The following HEMK2 variants were observed in gnomAD, a reference collection of about 807,000 sequenced individuals.
HEMK2 encodes methyltransferase HEMK2.
chr21:28,780,776 T>C, the HEMK2 span, among the ~76,000 whole-genome samples: 2 of 152,324 alleles, frequency 1.3e-5, no homozygotes, highest in African/African-American at 4.8e-5. Context: ...AGAATTCCTT[T>C]AAGCAGCCAT....
chr21:28,805,392 C>T, the HEMK2 span, among the ~76,000 whole-genome samples: 1 of 152,172 alleles, frequency 6.6e-6, no homozygotes, highest in African/African-American at 2.4e-5. Context: ...TTTTGCATTG[C>T]AACTTGAGCA....
the HEMK2 span, among the ~76,000 whole-genome samples, chr21:28,585,123 G>A: frequency 6.6e-6 from 1 of 152,122 alleles, no homozygotes; most frequent in Non-Finnish European, 1.5e-5. Flanking sequence ...CCTGAGGTCA[G>A]GAGTTCAAGA....
chr21:28,729,433 G>A, the HEMK2 span, among the ~76,000 whole-genome samples: 74,647 of 151,918 alleles, frequency 0.49, 20,857 homozygotes, highest in East Asian at 0.78. Context: ...GCAGTGCCTA[G>A]AAAGAGCGTG....
At chr21:28,864,789 G>T in the HEMK2 span, among the ~76,000 whole-genome samples, 1 of 150,782 alleles carries the variant, frequency 6.6e-6, no homozygotes, top group Non-Finnish European at 1.5e-5. Flanking sequence ...AAGTCACCTC[G>T]ACTCCTACCT....
the HEMK2 span, among the ~76,000 whole-genome samples, chr21:28,706,616 T>C: frequency 6.6e-6 from 1 of 152,210 alleles, no homozygotes; most frequent in Non-Finnish European, 1.5e-5. Context: ...TTCCTAAACT[T>C]TTTAAAAATT....
At chr21:28,788,143 T>C in the HEMK2 span, among the ~76,000 whole-genome samples, 2 of 150,650 alleles carry the variant, frequency 1.3e-5, no homozygotes, top group Middle Eastern at 3.5e-3. Context: ...TATATGTAAA[T>C]ATACATATAT....
the HEMK2 span, among the ~76,000 whole-genome samples, chr21:28,802,411 G>A: frequency 6.6e-6 from 1 of 152,192 alleles, no homozygotes; most frequent in African/African-American, 2.4e-5. Flanking sequence ...GTTACATAGA[G>A]AGGGAGCTGG....
the HEMK2 span, among the ~76,000 whole-genome samples, chr21:28,740,872 C>A: frequency 6.6e-6 from 1 of 152,218 alleles, no homozygotes; most frequent in South Asian, 2.1e-4. Flanking sequence ...TCCTGTGGAA[C>A]CTGACTATGG....
At chr21:28,851,440 A>AT in the HEMK2 span, among the ~76,000 whole-genome samples, 2 of 152,172 alleles carry the variant, frequency 1.3e-5, no homozygotes, top group Non-Finnish European at 1.5e-5. Flanking sequence ...ACACACTTAA[A>AT]TGAGGGATGT....
the HEMK2 span, among the ~76,000 whole-genome samples, chr21:28,843,666 T>C: frequency 2.0e-5 from 3 of 152,162 alleles, no homozygotes; most frequent in African/African-American, 4.8e-5. Flanking sequence ...AAGACCTTCT[T>C]GATTAAACAT....
chr21:28,761,383 A>AG, the HEMK2 span, among the ~76,000 whole-genome samples: 9 of 152,164 alleles, frequency 5.9e-5, no homozygotes, highest in Non-Finnish European at 1.3e-4. Context: ...AATATTAAAA[A>AG]TATTTTTAAT....
chr21:28,619,735 C>G, the HEMK2 span, among the ~76,000 whole-genome samples: 2 of 152,162 alleles, frequency 1.3e-5, no homozygotes, highest in African/African-American at 4.8e-5. Context: ...CCTTTCTTCT[C>G]CACTGTCAAC....
At chr21:28,842,777 G>A in the HEMK2 span, among the ~76,000 whole-genome samples, 1 of 152,146 alleles carries the variant, frequency 6.6e-6, no homozygotes, top group African/African-American at 2.4e-5. Flanking sequence ...ATGAGACAAA[G>A]GTAGAATATC....
chr21:28,783,783 G>A, the HEMK2 span, among the ~76,000 whole-genome samples: 11 of 152,236 alleles, frequency 7.2e-5, no homozygotes, highest in African/African-American at 2.6e-4. Flanking sequence ...AATTGGGGCT[G>A]CATGCAGCAC....
chr21:28,629,991 T>G, the HEMK2 span, among the ~76,000 whole-genome samples: 5 of 152,082 alleles, frequency 3.3e-5, no homozygotes, highest in South Asian at 1.0e-3. Context: ...GTAACAGGAT[T>G]TGAGAGTCAT....
chr21:28,592,793 G>A, the HEMK2 span, among the ~76,000 whole-genome samples: 2 of 152,190 alleles, frequency 1.3e-5, no homozygotes, highest in Admixed American at 6.5e-5. Flanking sequence ...TTGTTTAACA[G>A]CTGATCCAGC....
chr21:28,798,960 T>C, the HEMK2 span, among the ~76,000 whole-genome samples: 1 of 152,224 alleles, frequency 6.6e-6, no homozygotes, highest in African/African-American at 2.4e-5. Context: ...CAGGATACTC[T>C]TTCAACCTAC....
At chr21:28,606,748 A>C in the HEMK2 span, among the ~76,000 whole-genome samples, 2 of 152,232 alleles carry the variant, frequency 1.3e-5, no homozygotes, top group Non-Finnish European at 2.9e-5. Context: ...AAGACAGAAA[A>C]GGCTTCTGCC....
the HEMK2 span, among the ~76,000 whole-genome samples, chr21:28,615,552 C>A: frequency 0.18 from 27,741 of 151,982 alleles, 3,055 homozygotes; most frequent in Non-Finnish European, 0.25. Flanking sequence ...ATGAACTGAG[C>A]TTTCAGATTC....
Sources: gnomAD v4.1 joint callset for allele counts (sites outside exome capture counted in the v4.1 genomes callset) on GRCh38, gnomAD v4.1.1 for gene constraint, MANE v1.5 for transcripts, NCBI Gene and HGNC (gene_info 2026-07-23, HGNC 2026-07-21) for gene names.